RIT2: variants seen among roughly 807,000 people sequenced by gnomAD.
RIT2 encodes the protein GTP-binding protein Rit2.
Under a neutral mutation model 23.7 loss-of-function variants are expected in RIT2, and 24 were observed. The ratio of observed to expected loss-of-function variants is 1.01; its 90% CI spans 0.73 to 1.43. The LOEUF (loss-of-function observed/expected upper bound fraction) is 1.43, where lower values mean the gene tolerates loss of function less well. RIT2 is among the 40% of genes most tolerant of loss of function. The pLI is 0.00. For synonymous variants in RIT2, 107 were observed against 91.1 expected, an observed-to-expected ratio of 1.17 and a Z score of -0.99; for missense variants, 236 against 266.9, an observed-to-expected ratio of 0.88 and a Z score of 0.81.
chr18:43,047,014 A>C (rs1432197968), intron 1 of RIT2, among the ~76,000 whole-genome samples: 6 of 152,134 alleles, frequency 3.9e-5, no homozygotes, highest in Non-Finnish European at 7.4e-5. Flanking sequence ...CACCCTTCCA[A>C]ATAAAAAAAA....
intron 2 of RIT2, among the ~76,000 whole-genome samples, chr18:42,979,217 G>T (rs941220461): frequency 6.6e-6 from 1 of 151,552 alleles, no homozygotes; most frequent in Non-Finnish European, 1.5e-5. Flanking sequence ...ATTTTTTTCA[G>T]AATAAACATA....
chr18:42,947,266 T>G (rs635520), intron 3 of RIT2, among the ~76,000 whole-genome samples: 1 of 151,800 alleles, frequency 6.6e-6, no homozygotes, highest in African/African-American at 2.4e-5. Flanking sequence ...ATTTGGAGAG[T>G]AAGCTTAACT....
chr18:42,925,186 G>A (rs2144136491), intron 3 of RIT2, among the ~76,000 whole-genome samples: 2 of 152,052 alleles, frequency 1.3e-5, no homozygotes, highest in East Asian at 3.9e-4. Flanking sequence ...TGAGTGAAAT[G>A]TACTAATATG....
At chr18:42,860,914 C>T (rs186365056) in intron 4 of RIT2, among the ~76,000 whole-genome samples, 3 of 152,278 alleles carry the variant, frequency 2.0e-5, no homozygotes, top group African/African-American at 7.2e-5. Flanking sequence ...CTATCTATCT[C>T]TGAGAATTAG....
At chr18:42,866,505 A>G (rs902046973) in intron 4 of RIT2, among the ~76,000 whole-genome samples, 2 of 152,084 alleles carry the variant, frequency 1.3e-5, no homozygotes, top group African/African-American at 4.8e-5. Flanking sequence ...TCCCCAAATC[A>G]GGCATCTATT....
intron 3 of RIT2, among the ~76,000 whole-genome samples, chr18:42,934,958 A>T (rs1274592419): frequency 6.6e-6 from 1 of 152,182 alleles, no homozygotes. Context: ...AAATTTCTGG[A>T]AAATTAAAAG....
chr18:42,818,173 T>C (rs1029276600), intron 4 of RIT2, among the ~76,000 whole-genome samples: 2 of 152,020 alleles, frequency 1.3e-5, no homozygotes, highest in African/African-American at 4.8e-5. Flanking sequence ...CAATAAAGTA[T>C]GTTATAGATA....
intron 4 of RIT2, among the ~76,000 whole-genome samples, chr18:42,744,118 C>A (rs1369313411): frequency 2.0e-5 from 3 of 152,070 alleles, no homozygotes; most frequent in African/African-American, 4.8e-5. Flanking sequence ...CTCCTGTCTG[C>A]CAGAGAACAA....
At chr18:43,093,382 CT>C (rs1232436803) in intron 1 of RIT2, among the ~76,000 whole-genome samples, 1 of 152,042 alleles carries the variant, frequency 6.6e-6, no homozygotes, top group Admixed American at 6.6e-5. Context: ...ATGTGCTTTC[CT>C]GATTTTCTGT....
At chr18:43,094,114 G>GTTTT (rs796958736) in intron 1 of RIT2, among the ~76,000 whole-genome samples, 36 of 63,472 alleles carry the variant, frequency 5.7e-4, no homozygotes, top group Non-Finnish European at 1.2e-3. Flanking sequence ...GTATTAGTGG[G>GTTTT]TTTTTTTTGT....
chr18:43,036,817 C>T (rs1309406327), intron 1 of RIT2, among the ~76,000 whole-genome samples: 1 of 152,134 alleles, frequency 6.6e-6, no homozygotes, highest in South Asian at 2.1e-4. Context: ...CCCTATAGGA[C>T]ATCTAACAGG....
At chr18:43,080,914 G>A (rs569316723) in intron 1 of RIT2, among the ~76,000 whole-genome samples, 3 of 152,230 alleles carry the variant, frequency 2.0e-5, no homozygotes, top group Admixed American at 6.5e-5. Flanking sequence ...CACTTTTGAG[G>A]ATGAAAAAGG....
At chr18:42,978,340 G>A (rs1006603753) in intron 2 of RIT2, among the ~76,000 whole-genome samples, 4 of 150,982 alleles carry the variant, frequency 2.6e-5, no homozygotes, top group Admixed American at 6.6e-5. Flanking sequence ...GTGTCTATCA[G>A]AGTACACATT....
chr18:43,069,108 A>G (rs117336320), intron 1 of RIT2, among the ~76,000 whole-genome samples: 2,325 of 152,304 alleles, frequency 0.015, 31 homozygotes, highest in East Asian at 0.067. Context: ...TTTGCTTTAA[A>G]GATAGTATCA....
chr18:42,875,511 C>G (rs1036357805), intron 4 of RIT2, among the ~76,000 whole-genome samples: 3 of 152,070 alleles, frequency 2.0e-5, no homozygotes, highest in African/African-American at 7.2e-5. Flanking sequence ...CATGTGGAAA[C>G]AGATGCTTGG....
intron 4 of RIT2, among the ~76,000 whole-genome samples, chr18:42,844,415 A>G (rs1039212072): frequency 6.6e-6 from 1 of 152,200 alleles, no homozygotes; most frequent in Non-Finnish European, 1.5e-5. Flanking sequence ...AGACACTTGA[A>G]GGATGATGAA....
At chr18:42,941,917 C>T (rs1335112740) in intron 3 of RIT2, among the ~76,000 whole-genome samples, 1 of 152,078 alleles carries the variant, frequency 6.6e-6, no homozygotes, top group Non-Finnish European at 1.5e-5. Context: ...TCCAAGATCA[C>T]ACGACTAGTT....
Position 42,952,402 on chromosome 18 carries a change from G to C in RIT2, c.234+21672C>G, listed in dbSNP as rs542493999. 3.3e-5 allele frequency among the ~76,000 whole-genome samples: 5 copies of C among 152,196 alleles called. No individual in the cohort carries two copies. The South Asian group carries it at 8.3e-4, about 25-fold the overall frequency. On this transcript the variant is annotated intron_variant, in intron 3 of 4. Transcript: ENST00000326695. ...AGAGAAGAGGAAATGGAGATTATTA[G>C]TCAAAAGGTACAAAGCTTCAACTGT...
intron 2 of RIT2, among the ~76,000 whole-genome samples, chr18:42,986,317 C>A (rs1356064159): frequency 6.6e-6 from 1 of 151,848 alleles, no homozygotes; most frequent in Admixed American, 6.6e-5. Context: ...GCGTGAGGCA[C>A]CTTGCCCGGC....
Sources: allele counts gnomAD v4.1 joint callset (sites outside exome capture counted in the v4.1 genomes callset), GRCh38; gene constraint gnomAD v4.1.1; transcripts MANE v1.5; gene names NCBI Gene and HGNC (gene_info 2026-07-23, HGNC 2026-07-21).